The following KCNG2 variants were observed in gnomAD, a reference collection of about 807,000 sequenced individuals.
KCNG2 encodes voltage-gated potassium channel regulatory subunit KCNG2.
In KCNG2, 7 loss-of-function variants were observed where a neutral mutation model predicts 12.3. The ratio of observed to expected loss-of-function variants is 0.57; its 90% confidence interval spans 0.32 to 1.07. The LOEUF (loss-of-function observed/expected upper bound fraction) is 1.07, where lower values mean the gene tolerates loss of function less well. KCNG2 is among the 50% of genes least tolerant of loss of function. KCNG2 has a pLI of 0.04. For missense variants in KCNG2, 703 were observed against 726.0 expected, an observed-to-expected ratio of 0.97 and a Z score of 0.36; for synonymous variants, 414 against 351.4, an observed-to-expected ratio of 1.18 and a Z score of -1.99.
intron 3 of KCNG2, among the ~76,000 whole-genome samples, chr18:79,891,860 T>C (rs577779044): frequency 4.2e-4 from 64 of 152,230 alleles, no homozygotes; most frequent in Non-Finnish European, 8.5e-4. Flanking sequence ...TGCCATGTTC[T>C]ACGGATGTCT....
chr18:79,837,036 C>T (rs1978333445), intron 1 of KCNG2, among the ~76,000 whole-genome samples: 1 of 152,176 alleles, frequency 6.6e-6, no homozygotes, highest in Admixed American at 6.6e-5. Context: ...TAAGACAAGT[C>T]CCTCCCACCT....
In KCNG2 at chr18:79,859,866, G is replaced by A. The variant is rs183775540; in HGVS notation, c.-41+3414G>A. On this transcript the variant is annotated intron_variant, in intron 2 of 3. Transcript: ENST00000316249. Reference sequence around the variant, plus strand: ...CACTAGTACTACACTCTTGATTGCTGTAGCTTTATACTCACTTTGAGTAAG... The same window carrying A: ...CACTAGTACTACACTCTTGATTGCTATAGCTTTATACTCACTTTGAGTAAG... Among the ~76,000 whole-genome samples the A allele has an allele frequency of 5.9e-5, 9 of 152,256 alleles. No individual in the cohort carries two copies. The East Asian group carries it at 1.2e-3, about 20-fold the overall frequency.
chr18:79,798,662 C>T (rs1380712029), intron 1 of KCNG2, among the ~76,000 whole-genome samples: 1 of 152,250 alleles, frequency 6.6e-6, no homozygotes, highest in Non-Finnish European at 1.5e-5. Context: ...GCTCCCGCAG[C>T]CGCGAATTCT....
chr18:79,815,943 A>G (rs2087524933), intron 1 of KCNG2: 1 of 152,232 alleles, frequency 6.6e-6, no homozygotes, highest in Admixed American at 6.5e-5. Context: ...AACTATGCAG[A>G]GACGAGAGGG....
intron 2 of KCNG2, among the ~76,000 whole-genome samples, chr18:79,860,692 T>C (rs547133963): frequency 6.6e-6 from 1 of 152,316 alleles, no homozygotes; most frequent in Admixed American, 6.5e-5. Context: ...CGCATGTGTA[T>C]GTGTATGTGT....
At chr18:79,826,011 CGTGGGCCTGGGT>C (rs1276625070) in intron 1 of KCNG2, among the ~76,000 whole-genome samples, 1 of 152,220 alleles carries the variant, frequency 6.6e-6, no homozygotes, top group Admixed American at 6.5e-5. Flanking sequence ...CCCATAGAGA[CGTGGGCCTGGGT>C]GGAGGCTGCA....
At chr18:79,888,697 CA>C in intron 3 of KCNG2, among the ~76,000 whole-genome samples, 1 of 152,114 alleles carries the variant, frequency 6.6e-6, no homozygotes, top group East Asian at 1.9e-4. Context: ...ACCTTTTGCC[CA>C]ATTTTTTTTT....
At chr18:79,879,787 C>T (rs1980223448) in intron 3 of KCNG2, among the ~76,000 whole-genome samples, 2 of 152,060 alleles carry the variant, frequency 1.3e-5, no homozygotes, top group African/African-American at 4.8e-5. Context: ...TGGAAACGCA[C>T]GCGTGTCAAG....
intron 1 of KCNG2, among the ~76,000 whole-genome samples, chr18:79,855,299 T>A (rs1312363700): frequency 6.6e-6 from 1 of 152,160 alleles, no homozygotes; most frequent in Admixed American, 6.5e-5. Context: ...GGCTGCAAAC[T>A]TCTTTGCTCT....
intron 3 of KCNG2, among the ~76,000 whole-genome samples, chr18:79,879,435 T>A (rs940593796): frequency 1.3e-5 from 2 of 152,026 alleles, no homozygotes; most frequent in African/African-American, 4.8e-5. Flanking sequence ...GGAGTTATAA[T>A]CAGGGACGCC....
intron 1 of KCNG2, among the ~76,000 whole-genome samples, chr18:79,823,150 T>C (rs1328373708): frequency 1.3e-5 from 2 of 152,176 alleles, no homozygotes; most frequent in Non-Finnish European, 2.9e-5. Flanking sequence ...CACTTTGCCT[T>C]CTCACTTAAT....
rs575097005 is a variant in KCNG2, at chr18:79,822,736, G to A, written c.-115+24722G>A. 3.9e-5 allele frequency among the ~76,000 whole-genome samples: 6 copies of A among 152,306 alleles called. No individual in the cohort carries two copies. Among genetic ancestry groups the A allele is most frequent in the Non-Finnish European group, 8.8e-5 (6 of 68,026 alleles). Reference sequence around the variant, plus strand: ...TGAGCACCGTGCTGGGCCTTCAAACGTGTGCTGTGCTCACCCCGAGAGACT... The same window carrying A: ...TGAGCACCGTGCTGGGCCTTCAAACATGTGCTGTGCTCACCCCGAGAGACT... On this transcript the variant is annotated intron_variant, in intron 1 of 3. Transcript: ENST00000316249. The surrounding 1 kb of genome is among the most constrained non-coding windows in gnomAD (Gnocchi z 4.4).
chr18:79,814,788 A>G (rs1961400515), intron 1 of KCNG2, among the ~76,000 whole-genome samples: 1 of 152,202 alleles, frequency 6.6e-6, no homozygotes, highest in African/African-American at 2.4e-5. Flanking sequence ...GTATATGTAT[A>G]TGCATAAAGG....
At chr18:79,845,823 A>T (rs1189028191) in intron 1 of KCNG2, among the ~76,000 whole-genome samples, 2 of 152,228 alleles carry the variant, frequency 1.3e-5, no homozygotes, top group Non-Finnish European at 2.9e-5. Context: ...GCAGTGGCTC[A>T]CGCCTGTAAT....
At chr18:79,871,626 G>A (rs557692505) in intron 3 of KCNG2, among the ~76,000 whole-genome samples, 2 of 152,296 alleles carry the variant, frequency 1.3e-5, no homozygotes, top group African/African-American at 2.4e-5. Flanking sequence ...AGGACCAGCC[G>A]GTGGCCCCCC....
At position 79,899,764 on chromosome 18, in the gene KCNG2, C is replaced by T. The variant is rs530473860; in HGVS notation, c.1349C>T (p.Ala450Val). ...GACAGCTCGCAGGGCCCCGACAGCG[C>T]GGGCCTGGCCGACGACTCCGCGGAT... Reference protein sequence around the residue: ...TEDSSQGPDSAGLADDSADAL... With the variant: ...TEDSSQGPDSVGLADDSADAL... The change falls in exon 4 of 4, where the codon GCG becomes GTG. Residue 450 changes from alanine to valine, a missense_variant. By Grantham distance (64) the Ala-to-Val change is moderately conservative. Coordinates refer to ENST00000316249, the MANE Select transcript of KCNG2 (RefSeq NM_012283.2). 216 of 1,518,918 alleles carry T rather than the reference C, an allele frequency of 1.4e-4. No individual in the cohort carries two copies. Among genetic ancestry groups the T allele is most frequent in the Middle Eastern group, 3.5e-4 (2 of 5,660 alleles). The allele number at this position is 1,518,918 out of a possible 1,614,324, so 94.1% of individuals were successfully genotyped here. A position where few individuals can be genotyped will look rare whatever the true frequency, so the allele number is the denominator to read the frequency against.
intron 1 of KCNG2, among the ~76,000 whole-genome samples, chr18:79,850,455 T>A (rs1978779170): frequency 6.6e-6 from 1 of 152,218 alleles, no homozygotes; most frequent in African/African-American, 2.4e-5. Context: ...TAGTCCATGT[T>A]TTATTCAGAG....
At chr18:79,889,264 G>A (rs1204760375) in intron 3 of KCNG2, among the ~76,000 whole-genome samples, 1 of 152,122 alleles carries the variant, frequency 6.6e-6, no homozygotes, top group Non-Finnish European at 1.5e-5. Context: ...CTAAAGTTCT[G>A]TAACTTTAGC....
rs185718261 is a variant in KCNG2 at position 79,875,388 on chromosome 18, C to T, written c.624+11097C>T. On this transcript the variant is annotated intron_variant, in intron 3 of 3. Coordinates refer to ENST00000316249, the MANE Select transcript of KCNG2 (RefSeq NM_012283.2). ...TCTAGCACCACCGAGCACACATTTCCATCTGCCAATCCCATTTCCACTCCA... is the reference window on the plus strand; with the variant it reads ...TCTAGCACCACCGAGCACACATTTCTATCTGCCAATCCCATTTCCACTCCA... 5.9e-5 allele frequency among the ~76,000 whole-genome samples: 9 copies of T among 152,354 alleles called. No individual in the cohort carries two copies. In the East Asian group the frequency reaches 1.7e-3, roughly 29 times the overall value.
Sources: gnomAD v4.1 joint callset for allele counts (sites outside exome capture counted in the v4.1 genomes callset) on GRCh38, gnomAD v4.1.1 for gene constraint, Gnocchi (gnomAD v3.1) non-coding constraint, MANE v1.5 for transcripts, NCBI Gene and HGNC (gene_info 2026-07-23, HGNC 2026-07-21) for gene names.